UBXN8: variants seen among roughly 807,000 people sequenced by gnomAD.
The protein encoded by UBXN8 is UBX domain-containing protein 8.
Under a neutral mutation model 32.1 loss-of-function variants are expected in UBXN8, and 27 were observed. The ratio of observed to expected loss-of-function variants is 0.84; its 90% confidence interval spans 0.62 to 1.16. The LOEUF (loss-of-function observed/expected upper bound fraction) is 1.16. Ranked by LOEUF, UBXN8 falls within the 50% of genes most tolerant of loss-of-function variation. The probability of loss-of-function intolerance (pLI) is 0.00; values close to 1 mark genes in which losing one functional copy is unlikely to be tolerated. For synonymous variants in UBXN8, 109 were observed against 111.8 expected, an observed-to-expected ratio of 0.98 and a Z score of 0.16; for missense variants, 306 against 311.4, an observed-to-expected ratio of 0.98 and a Z score of 0.13.
intron 4 of UBXN8, among the ~76,000 whole-genome samples, chr8:30,755,680 C>T (rs775578672): frequency 6.2e-5 from 9 of 144,544 alleles, no homozygotes; most frequent in Non-Finnish European, 1.3e-4. Flanking sequence ...CACTTGAGCC[C>T]AGGAGGTCAA....
intron 1 of UBXN8, among the ~76,000 whole-genome samples, chr8:30,750,818 GAA>G (rs11308329): frequency 6.8e-5 from 10 of 146,868 alleles, no homozygotes; most frequent in East Asian, 2.0e-4. Flanking sequence ...AAAAAAGAAG[GAA>G]AAAAAAAAAG....
upstream of UBXN8, among the ~76,000 whole-genome samples, chr8:30,731,483 A>G (rs34741430): frequency 0.25 from 38,445 of 152,100 alleles, 5,602 homozygotes; most frequent in African/African-American, 0.4. Context: ...GCCCTTGTTG[A>G]GAAGGGACTT....
chr8:30,740,184 G>A (rs569805609), upstream of UBXN8, among the ~76,000 whole-genome samples: 5 of 151,930 alleles, frequency 3.3e-5, no homozygotes, highest in Non-Finnish European at 7.4e-5. Context: ...GAGCCGCCAC[G>A]GTCAGTCAGT....
chr8:30,744,609 G>C (rs937064655), intron 1 of UBXN8: 3 of 468,904 alleles, frequency 6.4e-6, no homozygotes, highest in African/African-American at 5.9e-5. Flanking sequence ...GAAGTTTTTT[G>C]TTTTGTTTTT....
chr8:30,742,275 G>C (rs960483969), upstream of UBXN8, among the ~76,000 whole-genome samples: 4 of 152,172 alleles, frequency 2.6e-5, no homozygotes, highest in African/African-American at 9.7e-5. Context: ...TTGCTTGGAG[G>C]ATAAAGTTCT....
At chr8:30,731,715 C>A (rs1322038936), upstream of UBXN8, among the ~76,000 whole-genome samples, 5 of 152,074 alleles carry the variant, frequency 3.3e-5, no homozygotes, top group African/African-American at 1.2e-4. Context: ...ACGAAGCCCC[C>A]GTACTTATAG....
intron 2 of UBXN8, among the ~76,000 whole-genome samples, chr8:30,752,050 G>T (rs1189116307): frequency 6.6e-6 from 1 of 151,204 alleles, no homozygotes; most frequent in Non-Finnish European, 1.5e-5. Flanking sequence ...GCACCACCAT[G>T]CCAGCTAATT....
chr8:30,764,640 C>T (rs987721237), intron 7 of UBXN8, among the ~76,000 whole-genome samples: 11 of 152,260 alleles, frequency 7.2e-5, no homozygotes, highest in African/African-American at 2.6e-4. Context: ...CACATAGAAT[C>T]AATGAAGTAC....
At chr8:30,730,549 C>T (rs1170428160), upstream of UBXN8, among the ~76,000 whole-genome samples, 12 of 152,180 alleles carry the variant, frequency 7.9e-5, no homozygotes, top group South Asian at 1.9e-3. Context: ...ACCCAGTTAC[C>T]GGGAACCGAC....
chr8:30,765,171 C>T (rs1805965554), intron 7 of UBXN8, among the ~76,000 whole-genome samples: 1 of 152,136 alleles, frequency 6.6e-6, no homozygotes, highest in South Asian at 2.1e-4. Flanking sequence ...CCTCATCCTT[C>T]CAAAGTGCTG....
rs529351378 is a variant in UBXN8, at chr8:30,747,906, T to C, written c.89-3490T>C. Among the ~76,000 whole-genome samples, 36 of 120,052 alleles carry C rather than the reference T, an allele frequency of 3.0e-4. 4 individuals are homozygous for C. The East Asian group carries it at 7.5e-3, about 25-fold the overall frequency. The allele number at this position is 120,052 out of a possible 152,430, so 78.8% of individuals were successfully genotyped here. ...ATATATATTTTTTCTTTTTTTTTTT[T>C]TTTTTTTTTTTTGCTACCTTTGGAT... On this transcript the variant is annotated intron_variant, in intron 1 of 7. Transcript: ENST00000265616.
chr8:30,732,003 C>T (rs1278993119), upstream of UBXN8, among the ~76,000 whole-genome samples: 2 of 152,168 alleles, frequency 1.3e-5, no homozygotes, highest in Non-Finnish European at 1.5e-5. Flanking sequence ...CAGCTGAGGA[C>T]AGCTGGTTCA....
chr8:30,754,956 GTTTTTT>G (rs34741520), intron 4 of UBXN8, among the ~76,000 whole-genome samples, 169 bp downstream of exon 4: 16 of 129,644 alleles, frequency 1.2e-4, no homozygotes, highest in African/African-American at 4.0e-4. Context: ...GGGGTTGGTC[GTTTTTT>G]TTTTTTTTTT....
intron 2 of UBXN8, among the ~76,000 whole-genome samples, chr8:30,751,773 A>C (rs1324940491): frequency 6.6e-6 from 1 of 151,834 alleles, no homozygotes; most frequent in Non-Finnish European, 1.5e-5. Flanking sequence ...AAGCTATATC[A>C]TTTCTAAGTT....
chr8:30,761,572 GTCAGAAAATGCGTTGC>G (rs1805832797), intron 6 of UBXN8, among the ~76,000 whole-genome samples: 1 of 152,116 alleles, frequency 6.6e-6, no homozygotes, highest in South Asian at 2.1e-4. Context: ...AGAACTTTAG[GTCAGAAAATGCGTTGC>G]TTACTAAAAC....
chr8:30,763,343 C>CT lies in UBXN8; in HGVS notation c.641_642insT (p.Gln215ThrfsTer5), dbSNP rs777153517. 30 of 1,613,628 alleles carry CT rather than the reference C, an allele frequency of 1.9e-5. 1 individual carries two copies. The South Asian group carries it at 3.2e-4, about 17-fold the overall frequency. ...AGAAGGTTTTTGAAGTCCTACAGCT[C>CT]ACAGGTAAGTGAAGGAATTCACATT... On this transcript the variant is annotated frameshift_variant, in exon 7 of 8. Coordinates refer to ENST00000265616, the MANE Select transcript of UBXN8 (RefSeq NM_005671.4). LOFTEE classifies it high-confidence loss of function.
upstream of UBXN8, among the ~76,000 whole-genome samples, chr8:30,731,602 A>G (rs1031069567): frequency 4.6e-5 from 7 of 151,920 alleles, no homozygotes; most frequent in African/African-American, 1.4e-4. Context: ...GAGAGGAGGA[A>G]TGGAGACTTT....
At chr8:30,740,059 AC>A (rs1005720141), upstream of UBXN8, among the ~76,000 whole-genome samples, 7 of 151,462 alleles carry the variant, frequency 4.6e-5, no homozygotes, top group African/African-American at 1.7e-4. Flanking sequence ...ATGCCACCAC[AC>A]CCAGCTAATT....
At chr8:30,729,218 C>T (rs185555171), upstream of UBXN8, among the ~76,000 whole-genome samples, 9,281 of 152,286 alleles carry the variant, frequency 0.061, 778 homozygotes, top group African/African-American at 0.19. Flanking sequence ...GCGAGCGCTC[C>T]TGGGTAGGCA....
Sources: gnomAD v4.1 joint callset for allele counts (sites outside exome capture counted in the v4.1 genomes callset) on GRCh38, gnomAD v4.1.1 for gene constraint, MANE v1.5 for transcripts, NCBI Gene and HGNC (gene_info 2026-07-23, HGNC 2026-07-21) for gene names.